The following PRKN variants were observed in gnomAD, a reference collection of about 807,000 sequenced individuals.
PRKN encodes the protein E3 ubiquitin-protein ligase parkin.
A neutral mutation model predicts 59.5 loss-of-function variants in PRKN; 56 were observed. The observed-to-expected ratio is 0.94, with a 90% CI of 0.76 to 1.18. The LOEUF is 1.18. Among genes scored for constraint, PRKN ranks in the 50% most tolerant of loss-of-function variants. PRKN has a pLI of 0.00. For synonymous variants in PRKN, 250 were observed against 222.1 expected (o/e 1.13, Z -1.12); for missense variants, 657 against 596.4 (o/e 1.10, Z -1.06).
intron 9 of PRKN, among the ~76,000 whole-genome samples, chr6:161,517,408 G>T (rs916540974): frequency 6.6e-6 from 1 of 151,996 alleles, no homozygotes; most frequent in African/African-American, 2.4e-5. Context: ...TTCTGCTTGG[G>T]TAAGGACCCA....
At chr6:162,586,618 C>G (rs778191479) in intron 1 of PRKN, among the ~76,000 whole-genome samples, 1 of 152,094 alleles carries the variant, frequency 6.6e-6, no homozygotes, top group Admixed American at 6.5e-5. Context: ...AAATCTACCA[C>G]GAGGGGCTAT....
At chr6:161,878,200 C>T (rs1005507125) in intron 6 of PRKN, among the ~76,000 whole-genome samples, 2 of 152,082 alleles carry the variant, frequency 1.3e-5, no homozygotes, top group Non-Finnish European at 2.9e-5. Flanking sequence ...TTGCTCCAGT[C>T]GGCTCGATGT....
chr6:162,068,278 A>G (rs1166119245), intron 4 of PRKN, among the ~76,000 whole-genome samples: 1 of 151,958 alleles, frequency 6.6e-6, no homozygotes, highest in East Asian at 1.9e-4. Flanking sequence ...TTTTCCAGGT[A>G]CATTACTTCA....
chr6:162,016,620 C>T lies in PRKN; in HGVS notation c.618+37471G>A, dbSNP rs58723860. ...GGGTATTAGATCCATGCAAGTTACC[C>T]TGGAACACTCTCCTCGTGGCTGACC... On this transcript the variant is annotated intron_variant, in intron 5 of 11. Coordinates refer to ENST00000366898, the MANE Select transcript of PRKN (RefSeq NM_004562.3). Among the ~76,000 whole-genome samples the T allele has an allele frequency of 2.5e-3, 374 of 152,212 alleles. 3 individuals are homozygous for T. Among genetic ancestry groups the T allele is most frequent in the African/African-American group, 8.6e-3 (357 of 41,540 alleles).
At chr6:162,351,182 C>A (rs1784609600) in intron 2 of PRKN, among the ~76,000 whole-genome samples, 1 of 152,132 alleles carries the variant, frequency 6.6e-6, no homozygotes, top group South Asian at 2.1e-4. Flanking sequence ...CAGAGCGAGT[C>A]TACGTTTCCA....
intron 11 of PRKN, 47 bp from the exon 12 acceptor site, chr6:161,350,258 C>G (rs1449446143): frequency 3.0e-6 from 4 of 1,330,710 alleles, no homozygotes; most frequent in Non-Finnish European, 3.2e-6. Flanking sequence ...CAGCAAGTAC[C>G]TGGAAAACAC....
At chr6:161,947,465 G>A (rs1779823978) in intron 6 of PRKN, among the ~76,000 whole-genome samples, 1 of 152,162 alleles carries the variant, frequency 6.6e-6, no homozygotes, top group Admixed American at 6.5e-5. Context: ...ATGAGGCTGT[G>A]TTCTGTCATC....
At chr6:161,770,561 A>G (rs1237291113) in intron 7 of PRKN, among the ~76,000 whole-genome samples, 1 of 152,016 alleles carries the variant, frequency 6.6e-6, no homozygotes, top group Non-Finnish European at 1.5e-5. Flanking sequence ...TCCGCTTCCC[A>G]GGTGCAAGTG....
rs975300450 is a variant in PRKN at position 161,470,518 on chromosome 6, C to T, written c.1083+78336G>A. Among the ~76,000 whole-genome samples the T allele has an allele frequency of 6.6e-6, 1 of 152,196 alleles. No individual in the cohort carries two copies. The highest frequency in any genetic ancestry group is 1.5e-5 in the Non-Finnish European group (1 of 68,034). ...GCACTCCCAGTCTAACCCTTTGACCCACTCAAGAGATGTCCTATGTCTTAG... is the reference window on the plus strand; with the variant it reads ...GCACTCCCAGTCTAACCCTTTGACCTACTCAAGAGATGTCCTATGTCTTAG... On this transcript the variant is annotated intron_variant, in intron 9 of 11. Coordinates refer to ENST00000366898, the MANE Select transcript of PRKN (RefSeq NM_004562.3). The surrounding 1 kb of genome is among the most constrained non-coding windows in gnomAD (Gnocchi z 5.1).
At chr6:162,353,437 A>G (rs1333279740) in intron 2 of PRKN, among the ~76,000 whole-genome samples, 3 of 152,290 alleles carry the variant, frequency 2.0e-5, no homozygotes, top group African/African-American at 7.2e-5. Flanking sequence ...TAGCTATTAT[A>G]TATTATGTAC....
chr6:161,706,264 C>G (rs1786489085), intron 7 of PRKN, among the ~76,000 whole-genome samples: 1 of 152,236 alleles, frequency 6.6e-6, no homozygotes, highest in South Asian at 2.1e-4. Context: ...TCTGTGCCCT[C>G]TCTCACCAGC....
chr6:162,250,804 A>G (rs572622093), intron 3 of PRKN, among the ~76,000 whole-genome samples: 1 of 152,350 alleles, frequency 6.6e-6, no homozygotes, highest in South Asian at 2.1e-4. Flanking sequence ...TCTTACAGGA[A>G]AAGCTAGATA....
intron 3 of PRKN, among the ~76,000 whole-genome samples, chr6:162,226,097 T>TA (rs57963776): frequency 0.04 from 2,411 of 60,598 alleles, 63 homozygotes; most frequent in African/African-American, 0.17. Flanking sequence ...ATAATAATAA[T>TA]AAAATTAGAT....
intron 7 of PRKN, among the ~76,000 whole-genome samples, chr6:161,743,077 C>T (rs565298169): frequency 4.2e-4 from 64 of 152,096 alleles, no homozygotes; most frequent in Non-Finnish European, 6.5e-4. Flanking sequence ...TAAGTTTCAA[C>T]TTATTGGCTG....
intron 7 of PRKN, among the ~76,000 whole-genome samples, chr6:161,645,847 G>C (rs935456482): frequency 7.9e-5 from 12 of 152,398 alleles, no homozygotes; most frequent in African/African-American, 1.4e-4. Flanking sequence ...CTTGAAAAGG[G>C]AAATAAGTTA....
intron 1 of PRKN, among the ~76,000 whole-genome samples, chr6:162,445,491 A>G (rs1790264146): frequency 6.6e-6 from 1 of 152,058 alleles, no homozygotes. Flanking sequence ...GTTCAAGACC[A>G]GCCTGGGCAA....
At chr6:161,783,015 T>C (rs1390000467) in intron 7 of PRKN, among the ~76,000 whole-genome samples, 1 of 152,218 alleles carries the variant, frequency 6.6e-6, no homozygotes, top group African/African-American at 2.4e-5. Context: ...TATACCCTAA[T>C]GACAAAACAA....
At chr6:161,489,822 T>C (rs1444723753) in intron 9 of PRKN, among the ~76,000 whole-genome samples, 2 of 152,192 alleles carry the variant, frequency 1.3e-5, no homozygotes, top group Non-Finnish European at 2.9e-5. Flanking sequence ...AAAACCAAGC[T>C]GTTATACAAA....
chr6:161,740,212 A>T (rs990178702), intron 7 of PRKN, among the ~76,000 whole-genome samples: 13 of 152,230 alleles, frequency 8.5e-5, no homozygotes, highest in African/African-American at 3.1e-4. Context: ...GTGCTTTTGA[A>T]ATATTAAAAA....
Sources: allele counts gnomAD v4.1 joint callset (sites outside exome capture counted in the v4.1 genomes callset), GRCh38; gene constraint gnomAD v4.1.1; non-coding constraint Gnocchi (gnomAD v3.1); transcripts MANE v1.5; gene names NCBI Gene and HGNC (gene_info 2026-07-23, HGNC 2026-07-21).